The following MARCHF10 variants were observed in gnomAD, a reference collection of about 807,000 sequenced individuals.
The protein encoded by MARCHF10 is membrane associated ring-CH-type finger 10.
In MARCHF10, 64 loss-of-function variants were observed where a neutral mutation model predicts 76.2. The ratio of observed to expected loss-of-function variants is 0.84; its 90% CI spans 0.69 to 1.03. The LOEUF (loss-of-function observed/expected upper bound fraction) is 1.03, where lower values mean the gene tolerates loss of function less well. MARCHF10 is among the 50% of genes least tolerant of loss of function. The pLI is 0.00. For synonymous variants in MARCHF10, 340 were observed against 357.5 expected, an observed-to-expected ratio of 0.95 and a Z score of 0.55; for missense variants, 875 against 958.0, an observed-to-expected ratio of 0.91 and a Z score of 1.14.
rs2089925782 is a variant in MARCHF10, at chr17:62,711,418, C to T, written c.2215-74G>A. On this transcript the variant is annotated intron_variant, in intron 8 of 10. Coordinates refer to ENST00000311269, the MANE Select transcript of MARCHF10 (RefSeq NM_152598.4). The surrounding 1 kb of genome is among the most constrained non-coding windows in gnomAD (Gnocchi z 4.4). ...GTCTAAATTGTGGGATGCAGGGTAACAAGGCTAAGAGGTGACAAGAACTGG... is the reference window on the plus strand; with the variant it reads ...GTCTAAATTGTGGGATGCAGGGTAATAAGGCTAAGAGGTGACAAGAACTGG... 2 of 1,413,340 alleles carry T rather than the reference C, an allele frequency of 1.4e-6. No homozygotes were observed. The highest frequency in any genetic ancestry group is 2.4e-5 in the East Asian group (1 of 42,406). The allele number at this position is 1,413,340 out of a possible 1,614,324, so 87.5% of individuals were successfully genotyped here. A position where few individuals can be genotyped will look rare whatever the true frequency, so the allele number is the denominator to read the frequency against.
chr17:62,796,270 G>C (rs1394198821), intron 2 of MARCHF10, among the ~76,000 whole-genome samples: 2 of 152,118 alleles, frequency 1.3e-5, no homozygotes, highest in Non-Finnish European at 2.9e-5. Context: ...GGGATTACAG[G>C]CATGAGCCAC....
At chr17:62,709,580 C>G (rs1287942122) in intron 9 of MARCHF10, among the ~76,000 whole-genome samples, 1 of 152,158 alleles carries the variant, frequency 6.6e-6, no homozygotes, top group Admixed American at 6.5e-5. Context: ...TTCTCCAGTT[C>G]TGGTAGATGA....
chr17:62,723,772 G>C (rs998046657), intron 7 of MARCHF10, among the ~76,000 whole-genome samples: 1 of 151,972 alleles, frequency 6.6e-6, no homozygotes, highest in South Asian at 2.1e-4. Context: ...TTGCATGGCA[G>C]AGTCGTTAGC....
intron 3 of MARCHF10, among the ~76,000 whole-genome samples, chr17:62,785,459 G>C (rs1285509172): frequency 1.3e-5 from 2 of 152,150 alleles, no homozygotes; most frequent in Non-Finnish European, 2.9e-5. Flanking sequence ...TTAGGACATA[G>C]GCATGGGCAA....
At chr17:62,757,379 G>A (rs1348355042) in intron 4 of MARCHF10, among the ~76,000 whole-genome samples, 1 of 152,094 alleles carries the variant, frequency 6.6e-6, no homozygotes, top group Non-Finnish European at 1.5e-5. Context: ...CTAGTGAATT[G>A]GATCAACGTG....
At chr17:62,794,731 G>C (rs571862043) in intron 2 of MARCHF10, among the ~76,000 whole-genome samples, 1 of 152,140 alleles carries the variant, frequency 6.6e-6, no homozygotes, top group Admixed American at 6.6e-5. Flanking sequence ...TCAGAACCAC[G>C]ACCCGACTTT....
chr17:62,752,237 CCAA>C (rs985879943), intron 4 of MARCHF10, among the ~76,000 whole-genome samples: 60 of 152,268 alleles, frequency 3.9e-4, no homozygotes, highest in African/African-American at 1.4e-3. Context: ...CAAAGTCCCC[CCAA>C]CATCTCTCTT....
chr17:62,765,732 T>C (rs934632638), intron 3 of MARCHF10, among the ~76,000 whole-genome samples: 1 of 152,122 alleles, frequency 6.6e-6, no homozygotes, highest in Admixed American at 6.6e-5. Flanking sequence ...AGGCAATCCT[T>C]TGTGTGCTGC....
At position 62,713,022 on chromosome 17, in the gene MARCHF10, G is replaced by A. The variant is rs146924792; in HGVS notation, c.2215-1678C>T. The stretch of plus-strand genomic sequence containing the variant: ...GGCCTCCCAAAGTGCTGGGATTACA[G>A]GTGTAAGCCACCCTGCCTAGCCACT... On this transcript the variant is annotated intron_variant, in intron 8 of 10. Transcript: ENST00000311269. 5.7e-3 allele frequency among the ~76,000 whole-genome samples: 868 copies of A among 152,322 alleles called. 8 individuals are homozygous for A. Among genetic ancestry groups the A allele is most frequent in the African/African-American group, 0.02 (839 of 41,568 alleles).
chr17:62,789,084 A>AC lies in MARCHF10; in HGVS notation c.91-486_91-485insG, dbSNP rs2092798259. On this transcript the variant is annotated intron_variant, in intron 2 of 10. Coordinates refer to ENST00000311269, the MANE Select transcript of MARCHF10 (RefSeq NM_152598.4). Reference sequence around the variant, plus strand: ...GACTCCGTCTCAAAAAAAAAAAAAAAAAAAAAAAAACGCAGGTCAGACGTA... The same window carrying AC: ...GACTCCGTCTCAAAAAAAAAAAAAAACAAAAAAAAAACGCAGGTCAGACGTA... Among the ~76,000 whole-genome samples, 7 of 150,804 alleles carry AC rather than the reference A, an allele frequency of 4.6e-5. No homozygotes were observed. The South Asian group carries it at 8.4e-4, about 18-fold the overall frequency.
At chr17:62,792,244 C>T (rs1389883287) in intron 2 of MARCHF10, among the ~76,000 whole-genome samples, 1 of 151,904 alleles carries the variant, frequency 6.6e-6, no homozygotes, top group African/African-American at 2.4e-5. Context: ...GTGGGGATGA[C>T]GTGGGTTTTG....
intron 5 of MARCHF10, among the ~76,000 whole-genome samples, chr17:62,742,024 C>T (rs9889633): frequency 6.8e-5 from 9 of 132,996 alleles, no homozygotes; most frequent in Non-Finnish European, 4.7e-5. Flanking sequence ...TTCTTTTTTT[C>T]TTTTTTTTTT....
chr17:62,796,160 C>G (rs1473036905), intron 2 of MARCHF10, among the ~76,000 whole-genome samples: 1 of 152,192 alleles, frequency 6.6e-6, no homozygotes, highest in East Asian at 1.9e-4. Flanking sequence ...TGCACCACCA[C>G]ACCCGTCTAG....
In MARCHF10 at chr17:62,711,449, G is replaced by A; in HGVS notation, c.2215-105C>T. On this transcript the variant is annotated intron_variant, in intron 8 of 10. Coordinates refer to ENST00000311269, the MANE Select transcript of MARCHF10 (RefSeq NM_152598.4). This position sits in a 1 kb window ranked among gnomAD's most constrained non-coding sequence, Gnocchi z 4.4. ...TAAGAGGTGACAAGAACTGGGAGAAGAGCCCAAGCTCCAAGGCAAGGCCTG... is the reference window on the plus strand; with the variant it reads ...TAAGAGGTGACAAGAACTGGGAGAAAAGCCCAAGCTCCAAGGCAAGGCCTG... 3 of 1,054,100 alleles carry A rather than the reference G, an allele frequency of 2.8e-6. No individual in the cohort carries two copies. The South Asian group carries it at 4.4e-5, about 15-fold the overall frequency. 65.3% of individuals were successfully genotyped at this position (1,054,100 alleles called of 1,614,324 possible). A position where few individuals can be genotyped will look rare whatever the true frequency, so the allele number is the denominator to read the frequency against.
chr17:62,788,431 C>CCAG (rs747155691), intron 3 of MARCHF10, 49 bp downstream of exon 3: 30 of 1,597,194 alleles, frequency 1.9e-5, no homozygotes, highest in East Asian at 2.2e-5. Context: ...ACCACCACCA[C>CCAG]CAGCAGCAGC....
At chr17:62,803,500 G>A (rs1047758847) in intron 1 of MARCHF10, among the ~76,000 whole-genome samples, 1 of 151,970 alleles carries the variant, frequency 6.6e-6, no homozygotes, top group Admixed American at 6.6e-5. Flanking sequence ...CAGTGGGGAG[G>A]GAGAGGGGAT....
At chr17:62,804,092 C>G (rs962850198) in intron 1 of MARCHF10, among the ~76,000 whole-genome samples, 1 of 152,184 alleles carries the variant, frequency 6.6e-6, no homozygotes, top group Non-Finnish European at 1.5e-5. Flanking sequence ...GTCATCAGGG[C>G]TTGCGATTAT....
chr17:62,701,640 G>A lies in MARCHF10; in HGVS notation c.*63C>T, dbSNP rs1324558374. 1.9e-6 allele frequency: 3 copies of A among 1,612,410 alleles called. No individual in the cohort carries two copies. Among genetic ancestry groups the A allele is most frequent in the East Asian group, 4.5e-5 (2 of 44,870 alleles). The stretch of plus-strand genomic sequence containing the variant: ...AAGAGGAGGAGGGAGGGAGGCACTT[G>A]GGGACGTAGAAAGAAGGGCTGGCGG... On this transcript the variant is annotated 3_prime_UTR_variant, in exon 11 of 11. Transcript: ENST00000311269.
chr17:62,705,986 A>G (rs557013593), intron 9 of MARCHF10, among the ~76,000 whole-genome samples: 1 of 152,332 alleles, frequency 6.6e-6, no homozygotes, highest in South Asian at 2.1e-4. Flanking sequence ...TCTGCGCGGC[A>G]GGAAGCAGCA....
Sources: allele counts gnomAD v4.1 joint callset (sites outside exome capture counted in the v4.1 genomes callset), GRCh38; gene constraint gnomAD v4.1.1; non-coding constraint Gnocchi (gnomAD v3.1); transcripts MANE v1.5; gene names NCBI Gene and HGNC (gene_info 2026-07-23, HGNC 2026-07-21).